Variants in DCAF6 observed in about 807,000 individuals in gnomAD.
DCAF6 encodes the protein DDB1- and CUL4-associated factor 6.
DCAF6 carries 54 observed loss-of-function variants against 125.1 expected under a neutral mutation model. That is an observed-to-expected ratio of 0.43 (90% CI 0.35 to 0.54). DCAF6 has a LOEUF of 0.54. DCAF6 is among the 20% of genes least tolerant of loss of function. DCAF6 has a pLI of 0.01. For missense variants in DCAF6, 934 were observed against 1,161.7 expected (o/e 0.80, Z 2.85); for synonymous variants, 371 against 390.4 (o/e 0.95, Z 0.58).
intron 7 of DCAF6, among the ~76,000 whole-genome samples, chr1:168,001,190 A>G (rs1557957355): frequency 6.6e-6 from 1 of 152,116 alleles, no homozygotes; most frequent in Admixed American, 6.6e-5. Flanking sequence ...CTACTCAGGA[A>G]GCTGTGGCTG....
At chr1:167,899,760 A>G in the DCAF6 span, 1 of 838,170 alleles carries the variant, frequency 1.2e-6, no homozygotes, top group Non-Finnish European at 2.0e-6. Context: ...CTAAAACTTT[A>G]CATAGGAATT....
Position 168,038,372 on chromosome 1 carries a change from TAAC to T in DCAF6, c.1614_1616del (p.Asn540del). 1 of 1,603,976 alleles carries T rather than the reference TAAC, an allele frequency of 6.2e-7. No homozygotes were observed. Among genetic ancestry groups the T allele is most frequent in the East Asian group, 2.2e-5 (1 of 44,710 alleles). ...AAATGTTTTAAACACAATTTTCAGA[TAAC>T]AATAATGAAAAGCTGAGCCCCAAAC... On this transcript the variant is annotated inframe_deletion and splice_region_variant, in exon 13 of 22. Transcript: ENST00000367840.
At position 167,993,354 on chromosome 1, in the gene DCAF6, T is replaced by C. The variant is rs2103019267; in HGVS notation, c.817T>C (p.Ser273Pro). 6.2e-7 allele frequency: 1 copy of C among 1,613,952 alleles called. No homozygotes were observed. ...EDGQEILVSY[S>P]SDYIYLFDPK... Reference sequence around the variant, plus strand: ...TGGTCAAGAGATTCTCGTTAGTTACTCTTCAGATTACATATATCTTTTTGA... The same window carrying C: ...TGGTCAAGAGATTCTCGTTAGTTACCCTTCAGATTACATATATCTTTTTGA... Residue 273 changes from serine (S) to proline (P), a missense_variant, in exon 7 of 22, where the codon TCT becomes CCT. This residue lies in a region of DCAF6 where 309 missense variants were observed against 381.2 expected (regional missense o/e 0.81). Coordinates refer to ENST00000367840, the MANE Select transcript of DCAF6 (RefSeq NM_001198956.2).
At chr1:167,866,547 A>T in the DCAF6 span, among the ~76,000 whole-genome samples, 2 of 131,024 alleles carry the variant, frequency 1.5e-5, no homozygotes, top group African/African-American at 6.6e-5. Context: ...AAAAAAAAAA[A>T]AAAAGGGCCA....
chr1:167,940,208 A>C (rs1399957832), intron 1 of DCAF6, among the ~76,000 whole-genome samples: 1 of 152,228 alleles, frequency 6.6e-6, no homozygotes, highest in African/African-American at 2.4e-5. Flanking sequence ...AATTTCCCAG[A>C]TGTTATTTAT....
At chr1:167,935,956 C>T (rs900113676), upstream of DCAF6, 8 of 772,808 alleles carry the variant, frequency 1.0e-5, no homozygotes, top group East Asian at 2.2e-4. Flanking sequence ...GTCCGCCTCT[C>T]GCCTGGAGTA....
chr1:168,026,804 C>T (rs1024999983), intron 12 of DCAF6, among the ~76,000 whole-genome samples: 3 of 151,426 alleles, frequency 2.0e-5, no homozygotes, highest in Admixed American at 6.6e-5. Flanking sequence ...CTGGAAGTCA[C>T]CAAAGTGATC....
chr1:167,992,722 A>G (rs1166622050), intron 6 of DCAF6, among the ~76,000 whole-genome samples: 2 of 152,238 alleles, frequency 1.3e-5, no homozygotes, highest in Non-Finnish European at 2.9e-5. Context: ...ACCAGAGTTA[A>G]TTAAAATTGG....
Position 167,936,866 on chromosome 1 carries a change from C to A in DCAF6, c.-46C>A. On this transcript the variant is annotated 5_prime_UTR_variant, in exon 1 of 22. Coordinates refer to ENST00000367840, the MANE Select transcript of DCAF6 (RefSeq NM_001198956.2). ...ACGGGTGTCCCCTCCCCCTCCTCCC[C>A]TCCCCCACGCGGTGGTCTCCCCTCC... The A allele has an allele frequency of 6.7e-7, 1 of 1,486,352 alleles. No homozygotes were observed. The highest frequency in any genetic ancestry group is 1.4e-5 in the African/African-American group (1 of 72,122). The allele number at this position is 1,486,352 out of a possible 1,614,324, so 92.1% of individuals were successfully genotyped here.
At chr1:168,038,272 T>C (rs1046522216) in intron 12 of DCAF6, 99 bp from the exon 13 acceptor site, 3 of 852,972 alleles carry the variant, frequency 3.5e-6, no homozygotes, top group Non-Finnish European at 3.7e-6. Flanking sequence ...AAAAGAATTA[T>C]GACAAGGACA....
chr1:167,882,484 C>CAA, the DCAF6 span, among the ~76,000 whole-genome samples: 2,279 of 71,086 alleles, frequency 0.032, 101 homozygotes, highest in African/African-American at 0.11. Context: ...GATTCCGTCT[C>CAA]AAAAAAAAAA....
chr1:167,920,757 C>A, the DCAF6 span: 24 of 912,908 alleles, frequency 2.6e-5, no homozygotes, highest in African/African-American at 2.9e-4. Flanking sequence ...AGTGTCCATT[C>A]ATTAAGAAAA....
At chr1:168,017,788 A>G (rs1685172730) in intron 11 of DCAF6, among the ~76,000 whole-genome samples, 1 of 152,194 alleles carries the variant, frequency 6.6e-6, no homozygotes. Flanking sequence ...CACCAAAATT[A>G]GCCTCCTAGA....
chr1:167,918,166 A>T, the DCAF6 span: 1 of 565,080 alleles, frequency 1.8e-6, no homozygotes, highest in Non-Finnish European at 3.1e-6. Flanking sequence ...GACTGTTATT[A>T]AAAGTTTGCT....
intron 12 of DCAF6, among the ~76,000 whole-genome samples, chr1:168,033,089 G>C (rs146521475): frequency 2.6e-5 from 4 of 151,352 alleles, no homozygotes; most frequent in Non-Finnish European, 4.4e-5. Context: ...TTATAATTTC[G>C]TAGTGGAAAT....
intron 21 of DCAF6, among the ~76,000 whole-genome samples, chr1:168,070,819 G>C (rs1558058417): frequency 6.6e-6 from 1 of 152,146 alleles, no homozygotes; most frequent in East Asian, 1.9e-4. Context: ...GAATGTCTTA[G>C]AATCACTTTA....
intron 2 of DCAF6, among the ~76,000 whole-genome samples, chr1:167,965,931 G>A (rs184175230): frequency 2.2e-4 from 34 of 152,094 alleles, no homozygotes; most frequent in Admixed American, 1.8e-3. Flanking sequence ...CACCGCGCCC[G>A]GCCTTCCCTG....
chr1:168,008,324 A>G (rs1357309452), intron 10 of DCAF6, among the ~76,000 whole-genome samples: 2 of 151,744 alleles, frequency 1.3e-5, no homozygotes, highest in Non-Finnish European at 2.9e-5. Context: ...GCAGCCTCCT[A>G]CCCTTCCTGT....
chr1:167,880,330 C>T, the DCAF6 span: 2 of 971,424 alleles, frequency 2.1e-6, no homozygotes, highest in Middle Eastern at 2.2e-4. Flanking sequence ...TAGTTTATGG[C>T]ATTTCTACAT....
Sources: allele counts gnomAD v4.1 joint callset (sites outside exome capture counted in the v4.1 genomes callset), GRCh38; gene constraint gnomAD v4.1.1; regional missense constraint gnomAD v4.1.1; transcripts MANE v1.5; gene names NCBI Gene and HGNC (gene_info 2026-07-23, HGNC 2026-07-21).